DNASE1L1: variants seen among roughly 807,000 people sequenced by gnomAD.
DNASE1L1 encodes deoxyribonuclease 1 like 1.
DNASE1L1 carries 8 observed loss-of-function variants against 18.6 expected under a neutral mutation model. The observed-to-expected ratio is 0.43, with a 90% confidence interval of 0.25 to 0.78. DNASE1L1 has a LOEUF of 0.78. Among genes scored for constraint, DNASE1L1 ranks in the 30% least tolerant of loss-of-function variants. DNASE1L1 has a pLI of 0.23. For missense variants in DNASE1L1, 214 were observed against 258.2 expected, an observed-to-expected ratio of 0.83 and a Z score of 1.17; for synonymous variants, 114 against 114.2, an observed-to-expected ratio of 1.00 and a Z score of 0.01.
upstream of DNASE1L1, chrX:154,411,687 AG>A (rs782530901): frequency 5.7e-6 from 3 of 529,500 alleles, no homozygotes; most frequent in Admixed American, 8.2e-5. Flanking sequence ...TGACCTGCGA[AG>A]GGACCTCGGT....
At position 154,402,676 on chromosome X, in the gene DNASE1L1, GGCA is replaced by G. The variant is rs1248402855; in HGVS notation, c.*28_*30del. ...GGAGGCTGGGGTTTAAGTCCCAAAA[GGCA>G]GCAGGCCCTGGGGGGGTAGGGGGAC... On this transcript the variant is annotated 3_prime_UTR_variant, in exon 8 of 8. Transcript: ENST00000369807. The G allele has an allele frequency of 1.7e-6, 2 of 1,184,244 alleles. No homozygotes were observed. Among genetic ancestry groups the G allele is most frequent in the Non-Finnish European group, 2.3e-6 (2 of 880,219 alleles).
chrX:154,403,672 G>A (rs2068092488), intron 4 of DNASE1L1, 50 bp from the exon 5 acceptor site: 1 of 1,099,371 alleles, frequency 9.1e-7, no homozygotes, highest in African/African-American at 1.8e-5. Flanking sequence ...TTTGATTTTG[G>A]CTTGCAAGTG....
At chrX:154,411,610 C>T (rs1371692829), upstream of DNASE1L1, 1 of 451,963 alleles carries the variant, frequency 2.2e-6, no homozygotes, top group African/African-American at 2.5e-5. Context: ...CGCAGCGCGC[C>T]CACGGCCTGT....
intron 1 of DNASE1L1, among the ~76,000 whole-genome samples, chrX:154,408,229 G>A (rs781845058): frequency 3.6e-5 from 4 of 111,383 alleles, no homozygotes; most frequent in South Asian, 3.8e-4. Flanking sequence ...CACCGCGCCC[G>A]GCTACCAAGC....
At chrX:154,408,965 A>G in intron 1 of DNASE1L1, 147 bp downstream of exon 1, 1 of 249,596 alleles carries the variant, frequency 4.0e-6, no homozygotes, top group Non-Finnish European at 7.9e-6. Flanking sequence ...AGAACCAGAG[A>G]GAGCGACGGT....
At chrX:154,407,394 C>T (rs782680127) in intron 1 of DNASE1L1, among the ~76,000 whole-genome samples, 2 of 104,073 alleles carry the variant, frequency 1.9e-5, no homozygotes, top group Admixed American at 1.1e-4. Flanking sequence ...CCCACCACCA[C>T]GCCCAGCTAA....
chrX:154,407,984 G>A (rs1350043658), intron 1 of DNASE1L1, among the ~76,000 whole-genome samples: 4 of 107,295 alleles, frequency 3.7e-5, no homozygotes, highest in Admixed American at 2.0e-4. Context: ...CCAGGCTGGA[G>A]TGCAGTGGCT....
rs782185212 is a variant in DNASE1L1, at chrX:154,403,356, C to T, written c.438G>A (p.Pro146=). Residue 146 remains proline (P), a synonymous_variant, in exon 6 of 8, where the codon CCG becomes CCA. Coordinates refer to ENST00000369807, the MANE Select transcript of DNASE1L1 (RefSeq NM_001303620.2). The part of the protein sequence containing the change: ...SNVLPSLVLV[P]LHTTPKAVEK... The stretch of plus-strand genomic sequence containing the variant: ...CTACGGCCTTAGGAGTGGTGTGCAG[C>T]GGGACCAACACCAGGCTGGGAAGGA... The T allele has an allele frequency of 5.8e-6, 7 of 1,211,350 alleles. No homozygotes were observed. In the East Asian group the frequency reaches 1.8e-4, roughly 31 times the overall value.
In DNASE1L1 at chrX:154,402,690, G is replaced by C; in HGVS notation, c.*17C>G. The C allele has an allele frequency of 8.3e-7, 1 of 1,199,232 alleles. No individual in the cohort carries two copies. The highest frequency in any genetic ancestry group is 1.1e-6 in the Non-Finnish European group (1 of 888,357). ...AAGTCCCAAAAGGCAGCAGGCCCTGGGGGGGTAGGGGGACGCTCAGGCAGC... is the reference window on the plus strand; with the variant it reads ...AAGTCCCAAAAGGCAGCAGGCCCTGCGGGGGTAGGGGGACGCTCAGGCAGC... On this transcript the variant is annotated 3_prime_UTR_variant, in exon 8 of 8. Coordinates refer to ENST00000369807, the MANE Select transcript of DNASE1L1 (RefSeq NM_001303620.2).
chrX:154,407,308 G>A (rs782099647), intron 1 of DNASE1L1, among the ~76,000 whole-genome samples: 2 of 90,369 alleles, frequency 2.2e-5, no homozygotes, highest in South Asian at 1.2e-3. Context: ...GCGTGATCTC[G>A]GCTTACTGCA....
upstream of DNASE1L1, chrX:154,411,922 T>C (rs782716787): frequency 1.5e-5 from 18 of 1,206,239 alleles, no homozygotes; most frequent in Non-Finnish European, 1.1e-6. Flanking sequence ...CGTCATGGGC[T>C]TGGTGGGCAC....
In DNASE1L1 at chrX:154,403,338, C is replaced by T. The variant is rs2068083835; in HGVS notation, c.456G>A (p.Lys152=). 9.9e-6 allele frequency: 12 copies of T among 1,209,759 alleles called. No homozygotes were observed. The highest frequency in any genetic ancestry group is 1.3e-5 in the Non-Finnish European group (12 of 895,152). Residue 152 remains lysine, a synonymous_variant, in exon 6 of 8, where the codon AAG becomes AAA. Coordinates refer to ENST00000369807, the MANE Select transcript of DNASE1L1 (RefSeq NM_001303620.2). ...GGGCGTTCAGCTCCTTCTCTACGGC[C>T]TTAGGAGTGGTGTGCAGCGGGACCA... ...LVLVPLHTTP[K]AVEKELNALY...
In DNASE1L1 at chrX:154,402,530, T is replaced by C. The variant is rs2068063644; in HGVS notation, c.*177A>G. On this transcript the variant is annotated 3_prime_UTR_variant, in exon 8 of 8. Transcript: ENST00000369807. ...GTGCAGGGCCCCTGGCTTCCTCTCC[T>C]AATCTAGGCACAAGCCCAACCAAAG... 2.4e-5 allele frequency: 12 copies of C among 491,699 alleles called. No individual in the cohort carries two copies. The East Asian group carries it at 4.5e-4, about 18-fold the overall frequency. The allele number at this position is 491,699 out of a possible 1,213,427, so 40.5% of individuals were successfully genotyped here.
upstream of DNASE1L1, chrX:154,412,054 C>G (rs782254165): frequency 2.5e-6 from 3 of 1,207,106 alleles, no homozygotes; most frequent in Admixed American, 2.2e-5. Context: ...AGCGGGCGAG[C>G]CCGGAGCGCC....
At chrX:154,411,868 T>G, upstream of DNASE1L1, 1 of 1,201,797 alleles carries the variant, frequency 8.3e-7, no homozygotes, top group Non-Finnish European at 1.1e-6. Context: ...GAAGTGGCCG[T>G]TCCCCGCGGT....
Position 154,402,403 on chromosome X carries a change from C to A in DNASE1L1, c.*304G>T. 3.7e-6 allele frequency: 1 copy of A among 269,394 alleles called. No homozygotes were observed. The highest frequency in any genetic ancestry group is 6.4e-6 in the Non-Finnish European group (1 of 155,310). 22.2% of individuals were successfully genotyped at this position (269,394 alleles called of 1,213,427 possible). ...CTCAGTAACTTTCCTTCTTGTCATA[C>A]AACATCTTCATTCCTCTTTCTGAAC... On this transcript the variant is annotated 3_prime_UTR_variant, in exon 8 of 8. Transcript: ENST00000369807.
At chrX:154,409,488 G>GC (rs1557189303), upstream of DNASE1L1, 1 of 125,582 alleles carries the variant, frequency 8.0e-6, no homozygotes, top group African/African-American at 3.2e-5. Flanking sequence ...CGCTCGCCAG[G>GC]CCCGTCGCTC....
In DNASE1L1 at chrX:154,401,312, T is replaced by C. The variant is rs2068027105; in HGVS notation, c.*1395A>G. On this transcript the variant is annotated 3_prime_UTR_variant, in exon 8 of 8. Coordinates refer to ENST00000369807, the MANE Select transcript of DNASE1L1 (RefSeq NM_001303620.2). ...ATCACATTGGGCTTGTTCTCACCCA[T>C]CTGGTTTGGCCATTCCTCCTTGGTG... The C allele has an allele frequency of 5.0e-6, 1 of 199,078 alleles. No individual in the cohort carries two copies. Among genetic ancestry groups the C allele is most frequent in the Non-Finnish European group, 9.4e-6 (1 of 106,633 alleles). 16.4% of individuals were successfully genotyped at this position (199,078 alleles called of 1,213,427 possible).
chrX:154,411,801 C>T (rs12845669), upstream of DNASE1L1: 2 of 1,129,558 alleles, frequency 1.8e-6, no homozygotes, highest in South Asian at 3.8e-5. Context: ...GCCCCACAGG[C>T]CGGCCCGGGG....
Sources: allele counts gnomAD v4.1 joint callset (sites outside exome capture counted in the v4.1 genomes callset), GRCh38; gene constraint gnomAD v4.1.1; transcripts MANE v1.5; gene names NCBI Gene and HGNC (gene_info 2026-07-23, HGNC 2026-07-21).